The following WDR3 variants were observed in gnomAD, a reference collection of about 807,000 sequenced individuals.
The protein encoded by WDR3 is WD repeat-containing protein 3.
WDR3 carries 81 observed loss-of-function variants against 123.7 expected under a neutral mutation model. The ratio of observed to expected loss-of-function variants is 0.65; its 90% CI spans 0.55 to 0.79. The LOEUF is 0.79. WDR3 is among the 30% of genes least tolerant of loss of function. The pLI is 0.00. For missense variants in WDR3, 1,027 were observed against 1,123.2 expected, an observed-to-expected ratio of 0.91 and a Z score of 1.22; for synonymous variants, 390 against 388.8, an observed-to-expected ratio of 1.00 and a Z score of -0.04.
In WDR3 at chr1:117,958,867, T is replaced by C. The variant is rs767788121; in HGVS notation, c.2583-43T>C. On this transcript the variant is annotated intron_variant, in intron 25 of 26. Transcript: ENST00000349139. ...TGTTTCTAGAAGGGTTAAGTAGGGCTAGAACCTCTCTGCAACATGGCTGTG... is the reference window on the plus strand; with the variant it reads ...TGTTTCTAGAAGGGTTAAGTAGGGCCAGAACCTCTCTGCAACATGGCTGTG... 3.9e-6 allele frequency: 6 copies of C among 1,552,556 alleles called. No individual in the cohort carries two copies. In the Admixed American group the frequency reaches 5.1e-5, roughly 13 times the overall value.
At chr1:117,957,613 G>C (rs1035889319) in intron 25 of WDR3, among the ~76,000 whole-genome samples, 2 of 152,124 alleles carry the variant, frequency 1.3e-5, no homozygotes, top group African/African-American at 4.8e-5. Flanking sequence ...TGGCCCGCAG[G>C]CCACATGTGG....
At chr1:117,936,918 T>C (rs889724730) in intron 4 of WDR3, 31 bp downstream of exon 4, 1 of 1,583,956 alleles carries the variant, frequency 6.3e-7, no homozygotes, top group Non-Finnish European at 8.7e-7. Flanking sequence ...TTTCCAGTTA[T>C]TTTCTAGGAA....
Position 117,948,510 on chromosome 1 carries a change from A to G in WDR3, c.1524+4A>G. ...CATGTCCCTCTCTCCAGATCAGGTA[A>G]CTAAACCAGATTTTAAAGCCCTGGA... On this transcript the variant is annotated splice_donor_region_variant and intron_variant, in intron 13 of 26. Coordinates refer to ENST00000349139, the MANE Select transcript of WDR3 (RefSeq NM_006784.3). The G allele has an allele frequency of 6.2e-7, 1 of 1,611,280 alleles. No homozygotes were observed. Among genetic ancestry groups the G allele is most frequent in the South Asian group, 1.1e-5 (1 of 90,640 alleles).
intron 1 of WDR3, among the ~76,000 whole-genome samples, chr1:117,932,875 G>A (rs1404424647): frequency 6.6e-6 from 1 of 152,072 alleles, no homozygotes; most frequent in East Asian, 1.9e-4. Context: ...GAAGTCACAA[G>A]TTACATGCTT....
In WDR3 at chr1:117,966,524, G is replaced by C; in HGVS notation, c.*7077G>C. Reference sequence around the variant, plus strand: ...TTTTGAAGATAGAATTAATAAAGTAGAGATGCATTTTGACTTCCATGTTTT... The same window carrying C: ...TTTTGAAGATAGAATTAATAAAGTACAGATGCATTTTGACTTCCATGTTTT... On this transcript the variant is annotated 3_prime_UTR_variant, in exon 27 of 27. Coordinates refer to ENST00000349139, the MANE Select transcript of WDR3 (RefSeq NM_006784.3). The C allele has an allele frequency of 1.7e-6, 2 of 1,200,708 alleles. No homozygotes were observed. Among genetic ancestry groups the C allele is most frequent in the Non-Finnish European group, 2.3e-6 (2 of 883,886 alleles). The allele number at this position is 1,200,708 out of a possible 1,614,324, so 74.4% of individuals were successfully genotyped here.
At position 117,940,759 on chromosome 1, in the gene WDR3, A is replaced by G. The variant is rs547815893; in HGVS notation, c.676-68A>G. On this transcript the variant is annotated intron_variant, in intron 6 of 26. Transcript: ENST00000349139. ...CAACAACAACAACAACAAAACAACA[A>G]CAACAACAACAACATGCCTCCTGGA... 6.5e-6 allele frequency: 9 copies of G among 1,384,992 alleles called. No homozygotes were observed. In the Middle Eastern group the frequency reaches 5.5e-4, roughly 85 times the overall value. The allele number at this position is 1,384,992 out of a possible 1,614,324, so 85.8% of individuals were successfully genotyped here. A position where few individuals can be genotyped will look rare whatever the true frequency, so the allele number is the denominator to read the frequency against.
At position 117,942,422 on chromosome 1, in the gene WDR3, T is replaced by C; in HGVS notation, c.990-15T>C. On this transcript the variant is annotated splice_polypyrimidine_tract_variant and intron_variant, in intron 9 of 26. Transcript: ENST00000349139. ...GAAAAATAAGAGCATGATATACTTT[T>C]CTTCTTCCCTCTAGATTACATTCTA... 1.2e-6 allele frequency: 2 copies of C among 1,607,472 alleles called. No homozygotes were observed. The highest frequency in any genetic ancestry group is 1.7e-6 in the Non-Finnish European group (2 of 1,174,878).
intron 3 of WDR3, among the ~76,000 whole-genome samples, chr1:117,936,236 A>G (rs946924307): frequency 2.0e-5 from 3 of 152,110 alleles, no homozygotes; most frequent in Non-Finnish European, 2.9e-5. Flanking sequence ...AACTTTAAAA[A>G]TAAACATATC....
At position 117,962,906 on chromosome 1, in the gene WDR3, G is replaced by C. The variant is rs970760046; in HGVS notation, c.*3459G>C. On this transcript the variant is annotated 3_prime_UTR_variant, in exon 27 of 27. Transcript: ENST00000349139. ...CAGGCCAGATTAGTCTTCAGAAAGA[G>C]AGGGAGGTTGTGAGCAGAAGCTTAA... The C allele has an allele frequency of 1.1e-4, 16 of 152,258 alleles. No homozygotes were observed. Among genetic ancestry groups the C allele is most frequent in the African/African-American group, 3.9e-4 (16 of 41,454 alleles). 9.4% of individuals were successfully genotyped at this position (152,258 alleles called of 1,614,324 possible). A position where few individuals can be genotyped will look rare whatever the true frequency, so the allele number is the denominator to read the frequency against.
chr1:117,950,611 G>A lies in WDR3; in HGVS notation c.1747-223G>A, dbSNP rs139877385. Among the ~76,000 whole-genome samples, 393 of 152,218 alleles carry A rather than the reference G, an allele frequency of 2.6e-3. 4 individuals are homozygous for A. The highest frequency in any genetic ancestry group is 3.4e-3 in the Middle Eastern group (1 of 294). On this transcript the variant is annotated intron_variant, in intron 15 of 26. Coordinates refer to ENST00000349139, the MANE Select transcript of WDR3 (RefSeq NM_006784.3). ...CTGACTGAGGCAGTAAGCTTCTGGG[G>A]GCTTCCTTGCCTCCACTATACTGCA...
chr1:117,938,440 C>G (rs763075910), intron 4 of WDR3, 40 bp from the exon 5 acceptor site: 2 of 1,563,930 alleles, frequency 1.3e-6, no homozygotes, highest in Non-Finnish European at 1.8e-6. Context: ...ATGAGTTTTC[C>G]TAAACAGGCT....
chr1:117,936,826 G>A lies in WDR3; in HGVS notation c.439G>A (p.Gly147Arg). 6.2e-7 allele frequency: 1 copy of A among 1,613,316 alleles called. No homozygotes were observed. Among genetic ancestry groups the A allele is most frequent in the Non-Finnish European group, 8.5e-7 (1 of 1,179,488 alleles). The change falls in exon 4 of 27, where the codon GGG (glycine) becomes AGG (arginine). Residue 147 changes from glycine to arginine, a missense_variant. Coordinates refer to ENST00000349139, the MANE Select transcript of WDR3 (RefSeq NM_006784.3). ...INESGLYRLK[G>R]HKDAITQALF... Reference sequence around the variant, plus strand: ...TGAAAGTGGTCTGTACCGTCTAAAGGGGCACAAGGATGCCATCACACAAGC... The same window carrying A: ...TGAAAGTGGTCTGTACCGTCTAAAGAGGCACAAGGATGCCATCACACAAGC...
In WDR3 at chr1:117,960,198, G is replaced by A. The variant is rs1652872044; in HGVS notation, c.*751G>A. ...TATATATAGTTGACACTTGAAAAAT[G>A]CAGGTGGTAGGGGCACTGACCCACC... On this transcript the variant is annotated 3_prime_UTR_variant, in exon 27 of 27. Coordinates refer to ENST00000349139, the MANE Select transcript of WDR3 (RefSeq NM_006784.3). The A allele has an allele frequency of 6.6e-6, 1 of 151,088 alleles. No individual in the cohort carries two copies. Among genetic ancestry groups the A allele is most frequent in the African/African-American group, 2.4e-5 (1 of 41,018 alleles). The allele number at this position is 151,088 out of a possible 1,614,324, so 9.4% of individuals were successfully genotyped here. A position where few individuals can be genotyped will look rare whatever the true frequency, so the allele number is the denominator to read the frequency against.
intron 11 of WDR3, among the ~76,000 whole-genome samples, chr1:117,945,142 TG>T (rs1237743732): frequency 2.0e-5 from 3 of 152,224 alleles, no homozygotes; most frequent in Non-Finnish European, 4.4e-5. Context: ...TCTGGGTTAT[TG>T]TAAAGCCCCC....
intron 20 of WDR3, 85 bp downstream of exon 20, chr1:117,953,081 A>G: frequency 6.7e-7 from 1 of 1,481,888 alleles, no homozygotes; most frequent in Non-Finnish European, 9.3e-7. Flanking sequence ...AATTTCTAAT[A>G]GAATTAAAAT....
Position 117,943,637 on chromosome 1 carries a change from T to C in WDR3, c.1328+11T>C. The C allele has an allele frequency of 6.2e-7, 1 of 1,612,872 alleles. No homozygotes were observed. The highest frequency in any genetic ancestry group is 1.1e-5 in the South Asian group (1 of 90,958). On this transcript the variant is annotated intron_variant, in intron 11 of 26. Transcript: ENST00000349139. ...TAAAATATGGAACAGGTTCGTGAAA[T>C]GATGTTTTATATAGCTGTAGTTAGT...
rs1652308362 is a variant in WDR3, at chr1:117,957,064, T to C, written c.2454-4T>C. On this transcript the variant is annotated splice_region_variant and splice_polypyrimidine_tract_variant and intron_variant, in intron 24 of 26. Transcript: ENST00000349139. ...CATTTTTATATTTATTTTTTCTTTT[T>C]CAGTGAGCTGGAAGAATCTCTACTT... 1 of 1,555,438 alleles carries C rather than the reference T, an allele frequency of 6.4e-7. No homozygotes were observed. The highest frequency in any genetic ancestry group is 8.7e-7 in the Non-Finnish European group (1 of 1,155,912).
chr1:117,959,164 A>C, intron 26 of WDR3, 128 bp from the exon 27 acceptor site: 2 of 1,376,370 alleles, frequency 1.5e-6, no homozygotes, highest in Non-Finnish European at 2.0e-6. Flanking sequence ...AAAACAAACA[A>C]GAAAAGTTCT....
rs1652611316 is a variant in WDR3, at chr1:117,958,851, AAGGGTTAAGT to A, written c.2583-54_2583-45del. ...TATTGTGTCTGTTTACTGTTTCTAG[AAGGGTTAAGT>A]AGGGCTAGAACCTCTCTGCAACATG... On this transcript the variant is annotated intron_variant, in intron 25 of 26. Coordinates refer to ENST00000349139, the MANE Select transcript of WDR3 (RefSeq NM_006784.3). The A allele has an allele frequency of 1.0e-5, 13 of 1,278,262 alleles. No individual in the cohort carries two copies. The East Asian group carries it at 1.2e-4, about 12-fold the overall frequency. 79.2% of individuals were successfully genotyped at this position (1,278,262 alleles called of 1,614,324 possible).
Sources: allele counts gnomAD v4.1 joint callset (sites outside exome capture counted in the v4.1 genomes callset), GRCh38; gene constraint gnomAD v4.1.1; transcripts MANE v1.5; gene names NCBI Gene and HGNC (gene_info 2026-07-23, HGNC 2026-07-21).